The following POGZ variants were observed in gnomAD, a reference collection of about 807,000 sequenced individuals.
POGZ encodes pogo transposable element derived with ZNF domain.
Under a neutral mutation model 134.6 loss-of-function variants are expected in POGZ, and 17 were observed. That is an observed-to-expected ratio of 0.13 (90% CI 0.09 to 0.19). The LOEUF (loss-of-function observed/expected upper bound fraction) is 0.19. Among genes scored for constraint, POGZ ranks in the 10% least tolerant of loss-of-function variants. POGZ has a pLI of 1.00. For synonymous variants in POGZ, 693 were observed against 657.1 expected, an observed-to-expected ratio of 1.05 and a Z score of -0.84; for missense variants, 1,306 against 1,769.7, an observed-to-expected ratio of 0.74 and a Z score of 4.70.
At chr1:151,433,166 GA>G (rs1658986079) in intron 3 of POGZ, among the ~76,000 whole-genome samples, 1 of 152,136 alleles carries the variant, frequency 6.6e-6, no homozygotes, top group Non-Finnish European at 1.5e-5. Context: ...GCATTTATGG[GA>G]AATCAGTCAG....
At chr1:151,420,794 T>C (rs75501893) in intron 10 of POGZ, among the ~76,000 whole-genome samples, 1 of 152,176 alleles carries the variant, frequency 6.6e-6, no homozygotes, top group Admixed American at 6.5e-5. Flanking sequence ...GAATATCTCA[T>C]TAATTTTAAA....
intron 15 of POGZ, 83 bp from the exon 16 acceptor site, chr1:151,407,374 CAA>C (rs1209312629): frequency 3.9e-5 from 34 of 882,874 alleles, no homozygotes; most frequent in South Asian, 7.5e-5. Context: ...ATGCCCCCAA[CAA>C]AAGAGACACT....
At chr1:151,439,720 G>A (rs1660214623) in intron 3 of POGZ, among the ~76,000 whole-genome samples, 1 of 152,098 alleles carries the variant, frequency 6.6e-6, no homozygotes, top group Non-Finnish European at 1.5e-5. Context: ...TCTTCTATCA[G>A]CAATATAAAC....
intron 1 of POGZ, among the ~76,000 whole-genome samples, chr1:151,447,741 C>CA (rs1345667712): frequency 6.8e-6 from 1 of 146,748 alleles, no homozygotes; most frequent in African/African-American, 2.5e-5. Context: ...ACACCTGCCT[C>CA]AGATTCCCAA....
Position 151,453,498 on chromosome 1 carries a change from T to C in POGZ, c.-2+5654A>G, listed in dbSNP as rs186901949. ...ATACATTTCTTAAGACATAGCAAAA[T>C]AGTTAAATAAGAAATAACAAATTAA... On this transcript the variant is annotated intron_variant, in intron 1 of 18. Transcript: ENST00000271715. 2.4e-4 allele frequency among the ~76,000 whole-genome samples: 36 copies of C among 150,680 alleles called. 4 individuals are homozygous for C. In the East Asian group the frequency reaches 6.1e-3, roughly 25 times the overall value.
chr1:151,457,206 T>TA (rs1662880819), intron 1 of POGZ, among the ~76,000 whole-genome samples: 1 of 152,220 alleles, frequency 6.6e-6, no homozygotes, highest in Admixed American at 6.5e-5. Flanking sequence ...GAGTCCATTC[T>TA]GTTACCTCCT....
chr1:151,409,888 C>A (rs989028794), intron 12 of POGZ, among the ~76,000 whole-genome samples: 1 of 152,156 alleles, frequency 6.6e-6, no homozygotes, highest in Non-Finnish European at 1.5e-5. Flanking sequence ...AAAATAGAAC[C>A]CATGTCTATG....
At chr1:151,433,576 C>A (rs1659075455) in intron 3 of POGZ, among the ~76,000 whole-genome samples, 1 of 140,132 alleles carries the variant, frequency 7.1e-6, no homozygotes, top group African/African-American at 2.7e-5. Context: ...CCACTGCACT[C>A]CAGTCTGAGC....
Position 151,404,714 on chromosome 1 carries a change from C to G in POGZ, c.*88G>C. 16 of 1,475,218 alleles carry G rather than the reference C, an allele frequency of 1.1e-5. No homozygotes were observed. The highest frequency in any genetic ancestry group is 1.5e-5 in the South Asian group (1 of 68,252). The allele number at this position is 1,475,218 out of a possible 1,614,324, so 91.4% of individuals were successfully genotyped here. ...ATTAAAAAATAGAAACCAAATACCC[C>G]ACCTGGTATGCCCCCTTTTCCCTAA... On this transcript the variant is annotated 3_prime_UTR_variant, in exon 19 of 19. Coordinates refer to ENST00000271715, the MANE Select transcript of POGZ (RefSeq NM_015100.4).
intron 1 of POGZ, among the ~76,000 whole-genome samples, chr1:151,455,890 CTTTCTTTTTT>C (rs1160954390): frequency 8.1e-6 from 1 of 123,228 alleles, no homozygotes; most frequent in Admixed American, 8.6e-5. Context: ...ACGGTAGTTT[CTTTCTTTTTT>C]TTTTTTTTTT....
At position 151,445,759 on chromosome 1, in the gene POGZ, T is replaced by G. The variant is rs570743331; in HGVS notation, c.-1-3554A>C. 3.3e-5 allele frequency among the ~76,000 whole-genome samples: 5 copies of G among 152,162 alleles called. No individual in the cohort carries two copies. The East Asian group carries it at 5.8e-4, about 18-fold the overall frequency. Reference sequence around the variant, plus strand: ...AAATTTTTCAAAACTGTCCTTGATTTTGACCTACACTCTGCTATCTCAGGA... The same window carrying G: ...AAATTTTTCAAAACTGTCCTTGATTGTGACCTACACTCTGCTATCTCAGGA... On this transcript the variant is annotated intron_variant, in intron 1 of 18. Transcript: ENST00000271715.
intron 1 of POGZ, among the ~76,000 whole-genome samples, chr1:151,447,363 C>T (rs930764697): frequency 6.6e-6 from 1 of 151,930 alleles, no homozygotes; most frequent in Non-Finnish European, 1.5e-5. Context: ...CAGAGCAAGA[C>T]TCCATCTTAA....
chr1:151,429,345 C>G (rs1468734373), intron 5 of POGZ: 2 of 243,970 alleles, frequency 8.2e-6, no homozygotes, highest in African/African-American at 4.5e-5. Context: ...GACTAAATAC[C>G]AGTTACAGAA....
chr1:151,416,262 A>AT (rs1655668808), intron 10 of POGZ, among the ~76,000 whole-genome samples: 1 of 149,648 alleles, frequency 6.7e-6, no homozygotes, highest in African/African-American at 2.5e-5. Context: ...AAAAAAAAAA[A>AT]GACTATGAAT....
At chr1:151,457,689 G>A (rs887179547) in intron 1 of POGZ, among the ~76,000 whole-genome samples, 1 of 152,216 alleles carries the variant, frequency 6.6e-6, no homozygotes, top group Non-Finnish European at 1.5e-5. Context: ...CACTTTGGGA[G>A]GCCAAGGCGG....
chr1:151,459,126 G>A (rs1049924929), intron 1 of POGZ, 26 bp downstream of exon 1: 3 of 151,360 alleles, frequency 2.0e-5, no homozygotes, highest in Non-Finnish European at 4.4e-5. Context: ...GGGGTGGGGA[G>A]AGAGAAGGCT....
chr1:151,420,261 CG>C (rs1223510307), intron 10 of POGZ, among the ~76,000 whole-genome samples: 2 of 152,140 alleles, frequency 1.3e-5, no homozygotes, highest in Non-Finnish European at 1.5e-5. Context: ...AGTGAAGAAT[CG>C]TGAGTCCTAT....
Position 151,404,392 on chromosome 1 carries a change from A to G in POGZ, c.*410T>C. ...CATGCCCAAAGACATTGGCCACACA[A>G]TAAAACAAACAAAAAAACCCAGTAC... On this transcript the variant is annotated 3_prime_UTR_variant, in exon 19 of 19. Coordinates refer to ENST00000271715, the MANE Select transcript of POGZ (RefSeq NM_015100.4). 1 of 991,924 alleles carries G rather than the reference A, an allele frequency of 1.0e-6. No homozygotes were observed. Among genetic ancestry groups the G allele is most frequent in the Non-Finnish European group, 1.2e-6 (1 of 833,196 alleles). The allele number at this position is 991,924 out of a possible 1,614,324, so 61.4% of individuals were successfully genotyped here. A position where few individuals can be genotyped will look rare whatever the true frequency, so the allele number is the denominator to read the frequency against.
At chr1:151,410,574 C>T (rs1373021120) in intron 12 of POGZ, among the ~76,000 whole-genome samples, 3 of 152,052 alleles carry the variant, frequency 2.0e-5, no homozygotes, top group African/African-American at 7.2e-5. Context: ...TATCCTAAGC[C>T]TTCTCTTATT....
Sources: gnomAD v4.1 joint callset for allele counts (sites outside exome capture counted in the v4.1 genomes callset) on GRCh38, gnomAD v4.1.1 for gene constraint, MANE v1.5 for transcripts, NCBI Gene and HGNC (gene_info 2026-07-23, HGNC 2026-07-21) for gene names.